PSKH1: variants seen among roughly 807,000 people sequenced by gnomAD.
The protein encoded by PSKH1 is protein serine kinase H1.
PSKH1 carries 12 observed loss-of-function variants against 26.7 expected under a neutral mutation model. The observed-to-expected ratio is 0.45, with a 90% CI of 0.29 to 0.73. The LOEUF is 0.73. Ranked by LOEUF, PSKH1 falls within the 30% of genes least tolerant of loss-of-function variation. The pLI is 0.11. For synonymous variants in PSKH1, 213 were observed against 234.3 expected (o/e 0.91, Z 0.83); for missense variants, 431 against 595.2 (o/e 0.72, Z 2.87).
At chr16:67,898,960 A>G (rs1411779944) in intron 1 of PSKH1, among the ~76,000 whole-genome samples, 1 of 152,056 alleles carries the variant, frequency 6.6e-6, no homozygotes, top group Non-Finnish European at 1.5e-5. Context: ...GAATATAGAG[A>G]TATTTGCAGG....
chr16:67,927,239 G>A lies in PSKH1; in HGVS notation c.958-86G>A. On this transcript the variant is annotated intron_variant, in intron 2 of 2. Coordinates refer to ENST00000291041, the MANE Select transcript of PSKH1 (RefSeq NM_006742.3). This position sits in a 1 kb window ranked among gnomAD's most constrained non-coding sequence, Gnocchi z 5.5. ...GAGGGGCAGCACCTCTCTCTGGAAA[G>A]GGGAGGGTTGCTGAGTAGTGGCCTC... is the stretch of plus-strand genomic sequence containing the variant. 1 of 1,347,064 alleles carries A rather than the reference G, an allele frequency of 7.4e-7. No homozygotes were observed. The highest frequency in any genetic ancestry group is 1.0e-6 in the Non-Finnish European group (1 of 979,720). The allele number at this position is 1,347,064 out of a possible 1,614,324, so 83.4% of individuals were successfully genotyped here. A position where few individuals can be genotyped will look rare whatever the true frequency, so the allele number is the denominator to read the frequency against.
At chr16:67,916,675 A>T (rs1204696929) in intron 2 of PSKH1, among the ~76,000 whole-genome samples, 2 of 152,126 alleles carry the variant, frequency 1.3e-5, no homozygotes, top group Non-Finnish European at 1.5e-5. Context: ...GAGGAAGGCT[A>T]GCTGGAGGCT....
intron 1 of PSKH1, among the ~76,000 whole-genome samples, chr16:67,905,980 T>C (rs534453803): frequency 6.6e-6 from 1 of 152,350 alleles, no homozygotes; most frequent in South Asian, 2.1e-4. Flanking sequence ...GGACCATGTT[T>C]TATTTATTCC....
chr16:67,896,260 C>T (rs2058126170), intron 1 of PSKH1, among the ~76,000 whole-genome samples: 1 of 152,080 alleles, frequency 6.6e-6, no homozygotes, highest in Non-Finnish European at 1.5e-5. Flanking sequence ...AGATGCCTGC[C>T]ACCACACCTG....
intron 1 of PSKH1, among the ~76,000 whole-genome samples, chr16:67,894,381 C>A (rs897338232): frequency 6.6e-6 from 1 of 152,272 alleles, no homozygotes; most frequent in Middle Eastern, 3.4e-3. Flanking sequence ...CTTCAAGAGA[C>A]CCTCCTGCCT....
chr16:67,899,476 CA>C (rs2058135988), intron 1 of PSKH1, among the ~76,000 whole-genome samples: 1 of 151,174 alleles, frequency 6.6e-6, no homozygotes. Context: ...GCTGGGACTA[CA>C]GGCGCCTGCC....
chr16:67,909,140 A>T lies in PSKH1; in HGVS notation c.391A>T (p.Thr131Ser). The change falls in exon 2 of 3, where the codon ACC becomes TCC. Residue 131 changes from threonine to serine, a missense_variant. Transcript: ENST00000291041. This position sits in a 1 kb window ranked among gnomAD's most constrained non-coding sequence, Gnocchi z 7.8. ...RQPYAIKMIE[T>S]KYREGREVCE... ...GCCGTATGCCATCAAGATGATTGAG[A>T]CCAAGTACCGGGAGGGGCGGGAGGT... 1 of 1,614,104 alleles carries T rather than the reference A, an allele frequency of 6.2e-7. No homozygotes were observed. Among genetic ancestry groups the T allele is most frequent in the Non-Finnish European group, 8.5e-7 (1 of 1,180,022 alleles).
rs142102178 is a variant in PSKH1, at chr16:67,896,891, A to G, written c.-71+3520A>G. The stretch of plus-strand genomic sequence containing the variant: ...GCTCCAGTTGCACTTCACCTCAGGC[A>G]TCTGGTTGGCATCTAGAACAGAATG... On this transcript the variant is annotated intron_variant, in intron 1 of 2. Coordinates refer to ENST00000291041, the MANE Select transcript of PSKH1 (RefSeq NM_006742.3). Among the ~76,000 whole-genome samples, 24 of 152,286 alleles carry G rather than the reference A, an allele frequency of 1.6e-4. No homozygotes were observed. The East Asian group carries it at 4.4e-3, about 28-fold the overall frequency.
chr16:67,913,583 G>T (rs1395375591), intron 2 of PSKH1, among the ~76,000 whole-genome samples: 1 of 152,192 alleles, frequency 6.6e-6, no homozygotes, highest in East Asian at 1.9e-4. Flanking sequence ...AGACCGTCTA[G>T]CTGTGAAGTG....
chr16:67,903,752 G>GT (rs2058148064), intron 1 of PSKH1, among the ~76,000 whole-genome samples: 1 of 151,594 alleles, frequency 6.6e-6, no homozygotes, highest in African/African-American at 2.4e-5. Flanking sequence ...AAGGGACGGG[G>GT]TGCTGTCCTC....
rs1409078946 is a variant in PSKH1 at position 67,909,706 on chromosome 16, G to A, written c.957G>A (p.Glu319=). The A allele has an allele frequency of 6.2e-7, 1 of 1,609,120 alleles. No homozygotes were observed. Among genetic ancestry groups the A allele is most frequent in the Non-Finnish European group, 8.5e-7 (1 of 1,179,404 alleles). Reference sequence around the variant, plus strand: ...GGGGCAAGTACAGTTACTCTGGGGAGGTGAGTCTGTCCTGCCCCTGTCCTG... The same window carrying A: ...GGGGCAAGTACAGTTACTCTGGGGAAGTGAGTCTGTCCTGCCCCTGTCCTG... ...ILRGKYSYSG[E]PWPSVSNLAK... Residue 319 remains glutamate (E), a splice_region_variant and synonymous_variant, in exon 2 of 3, where the codon GAG becomes GAA. Coordinates refer to ENST00000291041, the MANE Select transcript of PSKH1 (RefSeq NM_006742.3). The surrounding 1 kb of genome is among the most constrained non-coding windows in gnomAD (Gnocchi z 7.8).
At chr16:67,901,366 C>CT (rs774236320) in intron 1 of PSKH1, among the ~76,000 whole-genome samples, 4 of 152,308 alleles carry the variant, frequency 2.6e-5, no homozygotes, top group Non-Finnish European at 5.9e-5. Flanking sequence ...GAGTTTCGCT[C>CT]TATCGCCCAG....
At chr16:67,895,927 C>A (rs553687134) in intron 1 of PSKH1, among the ~76,000 whole-genome samples, 3 of 152,276 alleles carry the variant, frequency 2.0e-5, no homozygotes, top group African/African-American at 7.2e-5. Flanking sequence ...TTCTCTAAGT[C>A]CTAATTTCCT....
rs1388052230 is a variant in PSKH1, at chr16:67,909,958, A to G, written c.957+252A>G. On this transcript the variant is annotated intron_variant, in intron 2 of 2. Coordinates refer to ENST00000291041, the MANE Select transcript of PSKH1 (RefSeq NM_006742.3). The surrounding 1 kb of genome is among the most constrained non-coding windows in gnomAD (Gnocchi z 7.8). The stretch of plus-strand genomic sequence containing the variant: ...GTAACTAAAAGTGAAGGAGTGGGAA[A>G]AGTGAGGCAGGAAGGGAGAAAGTCA... The G allele has an allele frequency of 3.5e-6, 2 of 564,094 alleles. No homozygotes were observed. Among genetic ancestry groups the G allele is most frequent in the Non-Finnish European group, 3.2e-6 (1 of 316,856 alleles). 34.9% of individuals were successfully genotyped at this position (564,094 alleles called of 1,614,324 possible). A position where few individuals can be genotyped will look rare whatever the true frequency, so the allele number is the denominator to read the frequency against.
intron 2 of PSKH1, among the ~76,000 whole-genome samples, chr16:67,925,054 C>T (rs1176885875): frequency 1.3e-5 from 2 of 152,120 alleles, no homozygotes; most frequent in Non-Finnish European, 2.9e-5. Flanking sequence ...GTCCTCCTGC[C>T]TCAGACTCCC....
At chr16:67,894,121 G>A (rs994161452) in intron 1 of PSKH1, among the ~76,000 whole-genome samples, 17 of 152,298 alleles carry the variant, frequency 1.1e-4, no homozygotes, top group African/African-American at 4.1e-4. Flanking sequence ...TAAAACGTGT[G>A]GCGCTCCTGT....
rs902174968 is a variant in PSKH1 at position 67,908,682 on chromosome 16, G to A, written c.-68G>A. 2.2e-6 allele frequency: 3 copies of A among 1,359,860 alleles called. No homozygotes were observed. Among genetic ancestry groups the A allele is most frequent in the African/African-American group, 1.5e-5 (1 of 68,866 alleles). 84.2% of individuals were successfully genotyped at this position (1,359,860 alleles called of 1,614,324 possible). A position where few individuals can be genotyped will look rare whatever the true frequency, so the allele number is the denominator to read the frequency against. On this transcript the variant is annotated splice_region_variant and 5_prime_UTR_variant, in exon 2 of 3. Coordinates refer to ENST00000291041, the MANE Select transcript of PSKH1 (RefSeq NM_006742.3). ...ACTTGTTCTCTCTTTGTGTGTAGGT[G>A]TAGACGGGGCACTGCCTTCAGAGCA...
intron 2 of PSKH1, among the ~76,000 whole-genome samples, chr16:67,925,773 A>G (rs946005119): frequency 5.3e-5 from 8 of 152,092 alleles, no homozygotes; most frequent in Non-Finnish European, 1.2e-4. Flanking sequence ...AACTTGGAAT[A>G]ACCTTCCAAA....
intron 1 of PSKH1, among the ~76,000 whole-genome samples, chr16:67,894,026 A>G (rs1266567773): frequency 2.0e-5 from 3 of 152,342 alleles, no homozygotes; most frequent in Non-Finnish European, 4.4e-5. Context: ...CAAGGCATTC[A>G]GGGCTCTTCG....
Sources: gnomAD v4.1 joint callset for allele counts (sites outside exome capture counted in the v4.1 genomes callset) on GRCh38, gnomAD v4.1.1 for gene constraint, Gnocchi (gnomAD v3.1) non-coding constraint, MANE v1.5 for transcripts, NCBI Gene and HGNC (gene_info 2026-07-23, HGNC 2026-07-21) for gene names.